The following OSGIN1 variants were observed in gnomAD, a reference collection of about 807,000 sequenced individuals.
The protein encoded by OSGIN1 is oxidative stress induced growth inhibitor 1, also known as oxidative stress-induced growth inhibitor 1.
A neutral mutation model predicts 20.1 loss-of-function variants in OSGIN1; 19 were observed. The ratio of observed to expected loss-of-function variants is 0.95; its 90% CI spans 0.66 to 1.39. The LOEUF (loss-of-function observed/expected upper bound fraction) is 1.39, where lower values mean the gene tolerates loss of function less well. Among genes scored for constraint, OSGIN1 ranks in the 40% most tolerant of loss-of-function variants. OSGIN1 has a pLI of 0.00. For synonymous variants in OSGIN1, 368 were observed against 297.8 expected (o/e 1.24, Z -2.43); for missense variants, 820 against 653.0 (o/e 1.26, Z -2.79).
intron 2 of OSGIN1, among the ~76,000 whole-genome samples, chr16:83,958,021 T>C (rs1909027754): frequency 6.6e-6 from 1 of 152,096 alleles, no homozygotes; most frequent in African/African-American, 2.4e-5. Flanking sequence ...GGATTACAGG[T>C]GCATGCCACC....
chr16:83,956,841 GGAA>G (rs1400211290), intron 1 of OSGIN1: 1 of 152,398 alleles, frequency 6.6e-6, no homozygotes, highest in Non-Finnish European at 1.5e-5. Flanking sequence ...GCTGGTGTGG[GGAA>G]GAAGGTAGGT....
Position 83,959,374 on chromosome 16 carries a change from C to A in OSGIN1, c.182C>A (p.Pro61Gln), listed in dbSNP as rs745694365. The change falls in exon 3 of 6, where the codon CCG becomes CAG. Residue 61 changes from proline (P) to glutamine (Q), a missense_variant. Transcript: ENST00000393306. The part of the protein sequence containing the change: ...PLLQRKLTEA[P>Q]GVSILDQDLD... Reference sequence around the variant, plus strand: ...CTGCAGAGGAAGCTCACCGAGGCCCCGGGGGTCTCCATCCTGGACCAGGTG... The same window carrying A: ...CTGCAGAGGAAGCTCACCGAGGCCCAGGGGGTCTCCATCCTGGACCAGGTG... 8 of 1,613,682 alleles carry A rather than the reference C, an allele frequency of 5.0e-6. No homozygotes were observed. The African/African-American group carries it at 1.1e-4, about 22-fold the overall frequency.
At chr16:83,964,298 T>G (rs1430394596) in intron 5 of OSGIN1, among the ~76,000 whole-genome samples, 1 of 137,104 alleles carries the variant, frequency 7.3e-6, no homozygotes, top group Non-Finnish European at 1.5e-5. Flanking sequence ...AGTGAGACTC[T>G]GTCTCAAAAA....
chr16:83,964,998 G>A (rs1004018857), intron 5 of OSGIN1, 64 bp from the exon 6 acceptor site: 14 of 498,912 alleles, frequency 2.8e-5, no homozygotes, highest in African/African-American at 1.2e-4. Flanking sequence ...GACATCTCCC[G>A]TCCCACCCAG....
At chr16:83,958,913 T>C (rs1172204645) in intron 2 of OSGIN1, among the ~76,000 whole-genome samples, 1 of 152,184 alleles carries the variant, frequency 6.6e-6, no homozygotes, top group African/African-American at 2.4e-5. Context: ...TCGTCTACCT[T>C]CCGGCCGTGT....
rs1325831365 is a variant in OSGIN1, at chr16:83,953,352, C to A, written c.-51C>A. 7.8e-7 allele frequency: 1 copy of A among 1,288,948 alleles called. No individual in the cohort carries two copies. Among genetic ancestry groups the A allele is most frequent in the African/African-American group, 1.5e-5 (1 of 65,952 alleles). The allele number at this position is 1,288,948 out of a possible 1,614,324, so 79.8% of individuals were successfully genotyped here. On this transcript the variant is annotated 5_prime_UTR_variant, in exon 1 of 6. In the 5' UTR this introduces an upstream ATG that the reference lacks. Coordinates refer to ENST00000393306, the MANE Select transcript of OSGIN1 (RefSeq NM_182981.3). ...CAACTTGGCCGGGCTCACTGGGCTC[C>A]TGCACCACTGCCTGTCAGGTGAGTG... is the stretch of plus-strand genomic sequence containing the variant.
In OSGIN1 at chr16:83,953,388, G is replaced by C. The variant is rs1241341695; in HGVS notation, c.-33+18G>C. On this transcript the variant is annotated intron_variant, in intron 1 of 5. Coordinates refer to ENST00000393306, the MANE Select transcript of OSGIN1 (RefSeq NM_182981.3). ...CCTGTCAGGTGAGTGTCCGGGGCCA[G>C]GTTCCGGGGCAGGGAATCAGGCACA... The C allele has an allele frequency of 5.4e-6, 7 of 1,288,432 alleles. No individual in the cohort carries two copies. Among genetic ancestry groups the C allele is most frequent in the Non-Finnish European group, 6.1e-6 (6 of 988,332 alleles). The allele number at this position is 1,288,432 out of a possible 1,614,324, so 79.8% of individuals were successfully genotyped here.
In OSGIN1 at chr16:83,965,849, C is replaced by T; in HGVS notation, c.1276C>T (p.Pro426Ser). The T allele has an allele frequency of 6.2e-7, 1 of 1,613,004 alleles. No individual in the cohort carries two copies. The highest frequency in any genetic ancestry group is 8.5e-7 in the Non-Finnish European group (1 of 1,179,996). ...CCAGCCGCTGAGCGCCAAGAGGAAC[C>T]CCATTGACGTGGACCCCTTCACCTA... ...PDQPLSAKRN[P>S]IDVDPFTYQS... Residue 426 changes from proline (P) to serine (S), a missense_variant, in exon 6 of 6, where the codon CCC becomes TCC. Transcript: ENST00000393306.
chr16:83,960,943 G>A (rs2741876), intron 4 of OSGIN1, 38 bp from the exon 5 acceptor site: 113,892 of 1,590,692 alleles, frequency 0.072, 4,641 homozygotes, highest in South Asian at 0.13. Flanking sequence ...GGGTTCAGGC[G>A]AGCAGAGGCC....
intron 5 of OSGIN1, among the ~76,000 whole-genome samples, chr16:83,963,125 G>C (rs1412216727): frequency 6.6e-6 from 1 of 152,192 alleles, no homozygotes. Flanking sequence ...GGCACTCCAG[G>C]CGTCCCCCTC....
rs775062241 is a variant in OSGIN1, at chr16:83,960,994, C to A, written c.410C>A (p.Ser137Tyr). ...CTTTCCCTGCAGTCCATCGAAGGCT[C>A]CATGGTGATCCTGAGCCAAGGCCAG... ...PGGAWHSIEG[S>Y]MVILSQGQWM... The change falls in exon 5 of 6, where the codon TCC (serine) becomes TAC (tyrosine). Residue 137 changes from serine (S) to tyrosine (Y), a missense_variant. Coordinates refer to ENST00000393306, the MANE Select transcript of OSGIN1 (RefSeq NM_182981.3). 6.2e-7 allele frequency: 1 copy of A among 1,613,518 alleles called. No homozygotes were observed. Among genetic ancestry groups the A allele is most frequent in the Non-Finnish European group, 8.5e-7 (1 of 1,179,868 alleles).
rs1212592753 is a variant in OSGIN1 at position 83,953,381 on chromosome 16, G to A, written c.-33+11G>A. On this transcript the variant is annotated intron_variant, in intron 1 of 5. Coordinates refer to ENST00000393306, the MANE Select transcript of OSGIN1 (RefSeq NM_182981.3). ...ACCACTGCCTGTCAGGTGAGTGTCC[G>A]GGGCCAGGTTCCGGGGCAGGGAATC... 38 of 1,288,322 alleles carry A rather than the reference G, an allele frequency of 2.9e-5. No homozygotes were observed. Among genetic ancestry groups the A allele is most frequent in the Admixed American group, 4.6e-5 (2 of 43,454 alleles). The allele number at this position is 1,288,322 out of a possible 1,614,324, so 79.8% of individuals were successfully genotyped here.
intron 1 of OSGIN1, among the ~76,000 whole-genome samples, chr16:83,956,542 C>A (rs1908940157): frequency 6.6e-6 from 1 of 152,140 alleles, no homozygotes; most frequent in South Asian, 2.1e-4. Flanking sequence ...TGGGTGGTGG[C>A]ACTGGCAGGG....
rs1258145467 is a variant in OSGIN1 at position 83,965,894 on chromosome 16, G to A, written c.1321G>A (p.Gly441Ser). 3 of 1,612,750 alleles carry A rather than the reference G, an allele frequency of 1.9e-6. No individual in the cohort carries two copies. The highest frequency in any genetic ancestry group is 1.7e-5 in the Admixed American group (1 of 60,008). Residue 441 changes from glycine (G) to serine (S), a missense_variant, in exon 6 of 6, where the codon GGC (glycine) becomes AGC (serine). Transcript: ENST00000393306. ...PFTYQSTRQE[G>S]LYAMGPLAGD... ...CACCTACCAGAGCACCCGCCAGGAG[G>A]GCCTGTACGCCATGGGGCCGCTGGC...
Position 83,957,627 on chromosome 16 carries a change from TCC to T in OSGIN1, c.-32-9_-32-8del, listed in dbSNP as rs1908995117. 7.4e-7 allele frequency: 1 copy of T among 1,357,834 alleles called. No homozygotes were observed. The highest frequency in any genetic ancestry group is 1.0e-6 in the Non-Finnish European group (1 of 965,150). 84.1% of individuals were successfully genotyped at this position (1,357,834 alleles called of 1,614,324 possible). A position where few individuals can be genotyped will look rare whatever the true frequency, so the allele number is the denominator to read the frequency against. ...CCCGAATGGACTCTTCCTTCCCCTC[TCC>T]CCCACTCCAGGTCCGCTGCCAGCCC... On this transcript the variant is annotated splice_polypyrimidine_tract_variant and intron_variant, in intron 1 of 5. Transcript: ENST00000393306.
intron 2 of OSGIN1, 141 bp downstream of exon 2, chr16:83,957,879 ATTTATT>A (rs1423185229): frequency 1.1e-5 from 4 of 370,172 alleles, no homozygotes; most frequent in African/African-American, 8.6e-5. Context: ...TTATTTATTT[ATTTATT>A]TATTTATTTG....
chr16:83,959,045 C>G (rs1350855505), intron 2 of OSGIN1, among the ~76,000 whole-genome samples: 1 of 152,196 alleles, frequency 6.6e-6, no homozygotes, highest in Non-Finnish European at 1.5e-5. Context: ...CAGTACAATT[C>G]CTGGCACAGA....
At chr16:83,955,891 C>G (rs901523325) in intron 1 of OSGIN1, among the ~76,000 whole-genome samples, 10 of 152,176 alleles carry the variant, frequency 6.6e-5, no homozygotes, top group African/African-American at 2.4e-4. Context: ...CTTGCCTAGA[C>G]AGGACACGGA....
intron 2 of OSGIN1, among the ~76,000 whole-genome samples, chr16:83,958,946 C>T (rs1219806352): frequency 6.6e-6 from 1 of 152,206 alleles, no homozygotes; most frequent in Non-Finnish European, 1.5e-5. Flanking sequence ...GTAACTTAAC[C>T]TCTCTGTGCC....
Sources: allele counts gnomAD v4.1 joint callset (sites outside exome capture counted in the v4.1 genomes callset), GRCh38; gene constraint gnomAD v4.1.1; transcripts MANE v1.5; gene names NCBI Gene and HGNC (gene_info 2026-07-23, HGNC 2026-07-21).